Variants in MCU observed in about 807,000 individuals in gnomAD.
The protein encoded by MCU is mitochondrial calcium uniporter.
Under a neutral mutation model 45.2 loss-of-function variants are expected in MCU, and 12 were observed. The ratio of observed to expected loss-of-function variants is 0.27; its 90% CI spans 0.17 to 0.43. The LOEUF (loss-of-function observed/expected upper bound fraction) is 0.43. MCU is among the 20% of genes least tolerant of loss of function. MCU has a pLI of 1.00. For missense variants in MCU, 324 were observed against 436.7 expected, an observed-to-expected ratio of 0.74 and a Z score of 2.30; for synonymous variants, 160 against 165.1, an observed-to-expected ratio of 0.97 and a Z score of 0.24.
chr10:72,830,188 T>C (rs1008709234), intron 1 of MCU, among the ~76,000 whole-genome samples: 6 of 152,208 alleles, frequency 3.9e-5, no homozygotes, highest in Admixed American at 3.9e-4. Flanking sequence ...GAGTGGGGTA[T>C]AGAGAGTAAG....
chr10:72,814,472 A>T (rs1020503934), intron 1 of MCU, among the ~76,000 whole-genome samples: 1 of 152,128 alleles, frequency 6.6e-6, no homozygotes, highest in African/African-American at 2.4e-5. Context: ...TCTTCTTACA[A>T]TGTAATGTGT....
chr10:72,697,160 AG>A (rs1274427927), intron 1 of MCU, among the ~76,000 whole-genome samples: 1 of 152,190 alleles, frequency 6.6e-6, no homozygotes, highest in Non-Finnish European at 1.5e-5. Context: ...TCTGTTGCCC[AG>A]GCTGGAGTGC....
chr10:72,813,710 C>T (rs144960785), intron 1 of MCU, among the ~76,000 whole-genome samples: 4,386 of 152,148 alleles, frequency 0.029, 212 homozygotes, highest in African/African-American at 0.097. Context: ...CTGCCCGCCT[C>T]AGCCTCCCAA....
chr10:72,692,304 G>A lies in MCU; in HGVS notation c.150+3G>A. On this transcript the variant is annotated splice_donor_region_variant and intron_variant, in intron 1 of 7. Transcript: ENST00000373053. ...GGCAGCAGCAGCACCACCGGACGGTGAGCGAGCGCGCCCGGAGGCTCCGGG... is the reference window on the plus strand; with the variant it reads ...GGCAGCAGCAGCACCACCGGACGGTAAGCGAGCGCGCCCGGAGGCTCCGGG... 8.2e-7 allele frequency: 1 copy of A among 1,214,864 alleles called. No homozygotes were observed. The highest frequency in any genetic ancestry group is 1.0e-6 in the Non-Finnish European group (1 of 976,232). 75.3% of individuals were successfully genotyped at this position (1,214,864 alleles called of 1,614,324 possible). A position where few individuals can be genotyped will look rare whatever the true frequency, so the allele number is the denominator to read the frequency against.
chr10:72,810,461 CTTTTTTTTTTTTTTTT>C lies in MCU; in HGVS notation c.151-23888_151-23873del, dbSNP rs751918414. Among the ~76,000 whole-genome samples the C allele has an allele frequency of 4.1e-5, 3 of 73,408 alleles. No homozygotes were observed. The Admixed American group carries it at 4.7e-4, about 12-fold the overall frequency. The allele number at this position is 73,408 out of a possible 152,430, so 48.2% of individuals were successfully genotyped here. On this transcript the variant is annotated intron_variant, in intron 1 of 7. Coordinates refer to ENST00000373053, the MANE Select transcript of MCU (RefSeq NM_138357.3). ...ACATCAGTTAAGACAATTATGTTGC[CTTTTTTTTTTTTTTTT>C]TTTTTTTTTGACGGAGTTTCGCTCT...
intron 1 of MCU, chr10:72,760,583 G>A (rs1237860203): frequency 6.6e-6 from 1 of 150,626 alleles, no homozygotes. Flanking sequence ...AGGCTGAAGT[G>A]CGGTGGCATG....
In MCU at chr10:72,809,113, G is replaced by A. The variant is rs1286087505; in HGVS notation, c.151-25246G>A. Among the ~76,000 whole-genome samples the A allele has an allele frequency of 4.6e-5, 7 of 152,296 alleles. No individual in the cohort carries two copies. In the East Asian group the frequency reaches 1.3e-3, roughly 29 times the overall value. On this transcript the variant is annotated intron_variant, in intron 1 of 7. Transcript: ENST00000373053. ...GTGCATTCTGATGGATATATTAGAA[G>A]GACAAAAGATTGGAGGCATTGTAGT...
chr10:72,721,576 A>T (rs1019650609), intron 1 of MCU, among the ~76,000 whole-genome samples: 1 of 152,282 alleles, frequency 6.6e-6, no homozygotes, highest in Admixed American at 6.5e-5. Flanking sequence ...TTTGCACTGC[A>T]GTTTTCTATC....
At chr10:72,726,187 G>A (rs996027182) in intron 1 of MCU, among the ~76,000 whole-genome samples, 3 of 151,802 alleles carry the variant, frequency 2.0e-5, no homozygotes, top group Admixed American at 6.6e-5. Flanking sequence ...GGCATTGGCC[G>A]TGGCACCTGG....
chr10:72,852,698 A>G (rs1845225385), intron 2 of MCU, among the ~76,000 whole-genome samples: 1 of 152,224 alleles, frequency 6.6e-6, no homozygotes, highest in Non-Finnish European at 1.5e-5. Flanking sequence ...CAGAGTTTGT[A>G]AATCCCAAGG....
intron 1 of MCU, among the ~76,000 whole-genome samples, chr10:72,707,677 G>T (rs1842841531): frequency 6.7e-6 from 1 of 149,440 alleles, no homozygotes; most frequent in South Asian, 2.1e-4. Context: ...TAATTGAAGA[G>T]AATTTGGTGC....
intron 6 of MCU, among the ~76,000 whole-genome samples, chr10:72,874,922 A>G (rs1020117117): frequency 2.0e-5 from 3 of 152,216 alleles, no homozygotes; most frequent in Admixed American, 6.5e-5. Flanking sequence ...TGAGATACCC[A>G]TACCTTTTGC....
chr10:72,705,099 G>A (rs936928693), intron 1 of MCU, among the ~76,000 whole-genome samples: 3 of 151,934 alleles, frequency 2.0e-5, no homozygotes, highest in Non-Finnish European at 4.4e-5. Flanking sequence ...CCAGCTTCTA[G>A]TGATCCTCCT....
intron 1 of MCU, among the ~76,000 whole-genome samples, chr10:72,832,934 A>ATGTGTGTGTGTGTT (rs1554826623): frequency 6.3e-5 from 9 of 143,874 alleles, no homozygotes; most frequent in African/African-American, 2.3e-4. Context: ...ACCAATAGCT[A>ATGTGTGTGTGTGTT]TGTGTGTGTG....
chr10:72,879,001 C>T (rs1254371050), intron 6 of MCU, among the ~76,000 whole-genome samples: 1 of 152,172 alleles, frequency 6.6e-6, no homozygotes, highest in Non-Finnish European at 1.5e-5. Context: ...CGGTGGCTCA[C>T]ACCTGTAATC....
intron 1 of MCU, among the ~76,000 whole-genome samples, chr10:72,725,208 C>G (rs1843080660): frequency 1.3e-5 from 2 of 151,516 alleles, no homozygotes; most frequent in Admixed American, 6.6e-5. Flanking sequence ...TCACTGTAAG[C>G]TCCACCTCCC....
At chr10:72,771,964 C>T (rs1425715919) in intron 1 of MCU, among the ~76,000 whole-genome samples, 6 of 152,180 alleles carry the variant, frequency 3.9e-5, no homozygotes, top group Non-Finnish European at 8.8e-5. Context: ...AATCTCCTTC[C>T]AACTCATGGC....
At chr10:72,848,488 G>A (rs375609682) in intron 2 of MCU, among the ~76,000 whole-genome samples, 1 of 152,148 alleles carries the variant, frequency 6.6e-6, no homozygotes, top group East Asian at 1.9e-4. Context: ...CACTCCCCCA[G>A]TAACTAACCC....
chr10:72,716,914 A>G (rs1473655092), intron 1 of MCU, among the ~76,000 whole-genome samples: 3 of 152,084 alleles, frequency 2.0e-5, no homozygotes, highest in Admixed American at 6.6e-5. Flanking sequence ...AAGAATTATT[A>G]CAGTTAAAAT....
Sources: gnomAD v4.1 joint callset for allele counts (sites outside exome capture counted in the v4.1 genomes callset) on GRCh38, gnomAD v4.1.1 for gene constraint, MANE v1.5 for transcripts, NCBI Gene and HGNC (gene_info 2026-07-23, HGNC 2026-07-21) for gene names.